The following PIN4 variants were observed in gnomAD, a reference collection of about 807,000 sequenced individuals.
PIN4 encodes the protein peptidyl-prolyl cis-trans isomerase NIMA-interacting 4.
A neutral mutation model predicts 8.3 loss-of-function variants in PIN4; 3 were observed. The observed-to-expected ratio is 0.36, with a 90% CI of 0.16 to 0.93. The LOEUF (loss-of-function observed/expected upper bound fraction) is 0.93, where lower values mean the gene tolerates loss of function less well. PIN4 is among the 40% of genes least tolerant of loss of function. PIN4 has a pLI of 0.44. For missense variants in PIN4, 75 were observed against 100.6 expected (o/e 0.75, Z 1.09); for synonymous variants, 18 against 32.5 (o/e 0.55, Z 1.52).
At chrX:72,189,896 C>CTG (rs967172651) in intron 2 of PIN4, among the ~76,000 whole-genome samples, 1 of 111,044 alleles carries the variant, frequency 9.0e-6, no homozygotes, top group African/African-American at 3.3e-5. Flanking sequence ...CTGGGACCCT[C>CTG]TGGCCTTTTA....
chrX:72,227,394 C>G (rs990689381), intron 3 of PIN4, among the ~76,000 whole-genome samples: 1 of 111,924 alleles, frequency 8.9e-6, no homozygotes, highest in Non-Finnish European at 1.9e-5. Flanking sequence ...AAAAACCACC[C>G]TCACCAGGTA....
chrX:72,186,170 C>A, intron 1 of PIN4: 2 of 330,473 alleles, frequency 6.1e-6, no homozygotes, highest in South Asian at 6.7e-5. Context: ...TGCAGCCCAA[C>A]ACAAATTTGC....
chrX:72,206,432 C>A, intron 3 of PIN4: 1 of 1,210,418 alleles, frequency 8.3e-7, no homozygotes, highest in Non-Finnish European at 1.1e-6. Flanking sequence ...TTGGGCAGAT[C>A]ATCAATGACT....
intron 3 of PIN4, chrX:72,239,137 G>A: frequency 2.6e-6 from 1 of 391,485 alleles, no homozygotes; most frequent in South Asian, 4.4e-5. Flanking sequence ...GACGGTGGGC[G>A]CCTGCGCCTA....
At chrX:72,238,960 A>C (rs1426087908) in intron 3 of PIN4, 1 of 990,461 alleles carries the variant, frequency 1.0e-6, no homozygotes, top group Admixed American at 2.6e-5. Flanking sequence ...TGGAGCTTGG[A>C]GCTTGGAGCT....
intron 3 of PIN4, among the ~76,000 whole-genome samples, chrX:72,215,001 A>G (rs996061783): frequency 1.8e-5 from 2 of 111,805 alleles, no homozygotes; most frequent in African/African-American, 6.5e-5. Context: ...CAAACAAACA[A>G]ACAAAAAAAC....
chrX:72,207,936 C>A, intron 3 of PIN4: 1 of 1,211,552 alleles, frequency 8.3e-7, no homozygotes, highest in African/African-American at 1.7e-5. Context: ...CCAGCAGGGA[C>A]CCTTGACAAG....
At chrX:72,228,305 T>C (rs2042964880) in intron 3 of PIN4, among the ~76,000 whole-genome samples, 1 of 112,247 alleles carries the variant, frequency 8.9e-6, no homozygotes, top group South Asian at 3.7e-4. Flanking sequence ...GCTATTTCTT[T>C]ATGGCACCAG....
chrX:72,238,261 C>A (rs923618618), intron 3 of PIN4, among the ~76,000 whole-genome samples: 7 of 111,835 alleles, frequency 6.3e-5, no homozygotes, highest in Non-Finnish European at 1.1e-4. Flanking sequence ...CTCATCCCAA[C>A]ATTACCACGC....
At chrX:72,228,128 G>A (rs994002808) in intron 3 of PIN4, among the ~76,000 whole-genome samples, 16 of 112,206 alleles carry the variant, frequency 1.4e-4, no homozygotes, top group African/African-American at 4.5e-4. Flanking sequence ...GTGAGGTCCC[G>A]TTCCAGCCAA....
chrX:72,257,764 A>G (rs59463947), intron 3 of PIN4, among the ~76,000 whole-genome samples: 8,479 of 111,359 alleles, frequency 0.076, 508 homozygotes, highest in East Asian at 0.48. Context: ...TCTTAGCTGT[A>G]TGACCTTGGG....
intron 3 of PIN4, among the ~76,000 whole-genome samples, chrX:72,242,782 G>A (rs935692483): frequency 7.1e-5 from 8 of 112,308 alleles, no homozygotes; most frequent in Non-Finnish European, 1.3e-4. Flanking sequence ...TGGGGAGGCC[G>A]AGGCGGGCGG....
downstream of PIN4, among the ~76,000 whole-genome samples, chrX:72,200,961 A>T (rs144456894): frequency 4.5e-3 from 509 of 111,905 alleles, 3 homozygotes; most frequent in African/African-American, 0.015. Context: ...GCACTTTGGG[A>T]GGCTGAGTAG....
chrX:72,238,746 G>T (rs2043031739), intron 3 of PIN4: 2 of 807,823 alleles, frequency 2.5e-6, no homozygotes, highest in Non-Finnish European at 3.6e-6. Context: ...AAAAGGCTCC[G>T]CCTCAACAGT....
chrX:72,196,307 G>T (rs1010126957), intron 2 of PIN4, among the ~76,000 whole-genome samples: 1 of 110,473 alleles, frequency 9.1e-6, no homozygotes, highest in Non-Finnish European at 1.9e-5. Context: ...AGGCCAAGGC[G>T]GGTGGATCAC....
rs2042775263 is a variant in PIN4, at chrX:72,197,975, T to C, written c.*449T>C. ...ATTTGTTTTACATGTTAGTCAACTC[T>C]GATCTTCCAGGACAGGTGGTATTAG... On this transcript the variant is annotated 3_prime_UTR_variant, in exon 4 of 4. Coordinates refer to ENST00000373669, the MANE Select transcript of PIN4 (RefSeq NM_006223.4). 2.6e-6 allele frequency: 2 copies of C among 758,177 alleles called. No homozygotes were observed. The highest frequency in any genetic ancestry group is 3.1e-6 in the Non-Finnish European group (2 of 640,451). 62.5% of individuals were successfully genotyped at this position (758,177 alleles called of 1,213,427 possible).
chrX:72,191,152 A>G (rs1351360933), intron 2 of PIN4, among the ~76,000 whole-genome samples: 1 of 107,292 alleles, frequency 9.3e-6, no homozygotes, highest in Non-Finnish European at 1.9e-5. Flanking sequence ...ATGGTTCTCA[A>G]CCCTAGACGT....
At chrX:72,192,836 G>A (rs1007474964) in intron 2 of PIN4, among the ~76,000 whole-genome samples, 1 of 111,222 alleles carries the variant, frequency 9.0e-6, no homozygotes, top group Middle Eastern at 4.2e-3. Flanking sequence ...ATCCTCAAGG[G>A]ATCCTCCCAC....
intron 3 of PIN4, among the ~76,000 whole-genome samples, chrX:72,258,805 T>C (rs1436836021): frequency 9.0e-6 from 1 of 111,096 alleles, no homozygotes; most frequent in East Asian, 2.8e-4. Context: ...TATCTGAGAG[T>C]AAGACTCAGG....
Sources: allele counts gnomAD v4.1 joint callset (sites outside exome capture counted in the v4.1 genomes callset), GRCh38; gene constraint gnomAD v4.1.1; transcripts MANE v1.5; gene names NCBI Gene and HGNC (gene_info 2026-07-23, HGNC 2026-07-21).